The following SKAP1 variants were observed in gnomAD, a reference collection of about 807,000 sequenced individuals.
The protein encoded by SKAP1 is src kinase associated phosphoprotein 1, also known as src kinase-associated phosphoprotein 1.
Under a neutral mutation model 58.5 loss-of-function variants are expected in SKAP1, and 44 were observed. The observed-to-expected ratio is 0.75, with a 90% CI of 0.59 to 0.97. The LOEUF (loss-of-function observed/expected upper bound fraction) is 0.97. SKAP1 is among the 50% of genes least tolerant of loss of function. The pLI is 0.00. For synonymous variants in SKAP1, 127 were observed against 149.7 expected, an observed-to-expected ratio of 0.85 and a Z score of 1.11; for missense variants, 390 against 435.2, an observed-to-expected ratio of 0.90 and a Z score of 0.92.
intron 4 of SKAP1, among the ~76,000 whole-genome samples, chr17:48,212,880 GC>G (rs2143683572): frequency 6.6e-6 from 1 of 152,218 alleles, no homozygotes; most frequent in Admixed American, 6.5e-5. Context: ...GTGACCTGGT[GC>G]TAAGGAGACA....
At chr17:48,171,734 A>AGTGTGTGTGTGTGTGTGT (rs3221423) in intron 9 of SKAP1, among the ~76,000 whole-genome samples, 180 of 149,100 alleles carry the variant, frequency 1.2e-3, no homozygotes, top group African/African-American at 4.1e-3. Context: ...AGGATGTTAG[A>AGTGTGTGTGTGTGTGTGT]GTGTGTGTGT....
chr17:48,383,292 A>C (rs183432468), intron 2 of SKAP1, among the ~76,000 whole-genome samples: 6 of 152,318 alleles, frequency 3.9e-5, no homozygotes, highest in Admixed American at 2.0e-4. Context: ...GTTTTACTAA[A>C]TAGTCACACA....
intron 4 of SKAP1, among the ~76,000 whole-genome samples, chr17:48,337,518 C>A (rs577798003): frequency 1.6e-4 from 24 of 152,136 alleles, no homozygotes; most frequent in Non-Finnish European, 3.2e-4. Context: ...TAAGGACATT[C>A]AATATTGGTA....
intron 4 of SKAP1, among the ~76,000 whole-genome samples, chr17:48,277,136 T>A (rs928261222): frequency 6.6e-6 from 1 of 152,244 alleles, no homozygotes; most frequent in African/African-American, 2.4e-5. Context: ...TGATCTCATT[T>A]ACTTAATACA....
chr17:48,394,924 T>C (rs1047143180), intron 2 of SKAP1, among the ~76,000 whole-genome samples: 1 of 152,208 alleles, frequency 6.6e-6, no homozygotes, highest in Non-Finnish European at 1.5e-5. Context: ...CCTCATTTCC[T>C]CAGTGATCTG....
chr17:48,308,355 A>T (rs2066177095), intron 4 of SKAP1: 1 of 152,214 alleles, frequency 6.6e-6, no homozygotes, highest in Non-Finnish European at 1.5e-5. Context: ...TCAAATTTTA[A>T]GAAAAGTATA....
At position 48,325,637 on chromosome 17, in the gene SKAP1, T is replaced by C. The variant is rs896426626; in HGVS notation, c.280+20268A>G. Among the ~76,000 whole-genome samples, 3 of 152,188 alleles carry C rather than the reference T, an allele frequency of 2.0e-5. No individual in the cohort carries two copies. The East Asian group carries it at 5.8e-4, about 29-fold the overall frequency. ...ATGGATTTCAATTTCTTTTAAAAAA[T>C]TTTAGATTTTCAAGATTTATTTAAT... is the stretch of plus-strand genomic sequence containing the variant. On this transcript the variant is annotated intron_variant, in intron 4 of 12. Coordinates refer to ENST00000336915, the MANE Select transcript of SKAP1 (RefSeq NM_003726.4).
At chr17:48,287,988 GT>G (rs1488042364) in intron 4 of SKAP1, among the ~76,000 whole-genome samples, 2 of 152,150 alleles carry the variant, frequency 1.3e-5, no homozygotes, top group East Asian at 3.8e-4. Context: ...ATAAACTTGT[GT>G]TTTTTAAAAA....
chr17:48,207,748 T>A (rs990801264), intron 4 of SKAP1, among the ~76,000 whole-genome samples: 1 of 152,158 alleles, frequency 6.6e-6, no homozygotes, highest in Admixed American at 6.5e-5. Flanking sequence ...ATTATGAAAT[T>A]TGGGGTCAGA....
intron 4 of SKAP1, chr17:48,204,035 C>T (rs1390241078): frequency 6.6e-6 from 1 of 152,062 alleles, no homozygotes; most frequent in Non-Finnish European, 1.5e-5. Flanking sequence ...CTGAAACAGG[C>T]TCACACAGTT....
intron 2 of SKAP1, among the ~76,000 whole-genome samples, chr17:48,386,829 T>C (rs1235266733): frequency 6.6e-6 from 1 of 152,218 alleles, no homozygotes; most frequent in African/African-American, 2.4e-5. Context: ...GTCAAACATC[T>C]ATCTCATGTG....
Position 48,182,387 on chromosome 17 carries a change from CA to C in SKAP1, c.631+6del. On this transcript the variant is annotated splice_donor_region_variant and intron_variant, in intron 8 of 12. Transcript: ENST00000336915. ...TCAAGTATTATTTCTGTAACAATGA[CA>C]CTTACCCTTTAACAAGAAACTTATT... is the stretch of plus-strand genomic sequence containing the variant. The C allele has an allele frequency of 6.3e-7, 1 of 1,589,476 alleles. No homozygotes were observed. Among genetic ancestry groups the C allele is most frequent in the Non-Finnish European group, 8.6e-7 (1 of 1,160,236 alleles).
chr17:48,424,560 C>T (rs1013232055), intron 1 of SKAP1, among the ~76,000 whole-genome samples: 2 of 151,780 alleles, frequency 1.3e-5, no homozygotes, highest in Non-Finnish European at 2.9e-5. Flanking sequence ...TTAATCACCT[C>T]CCATCACATT....
intron 3 of SKAP1, among the ~76,000 whole-genome samples, chr17:48,348,195 C>A (rs2144337663): frequency 6.6e-6 from 1 of 151,916 alleles, no homozygotes; most frequent in Non-Finnish European, 1.5e-5. Context: ...GAAAAATTAG[C>A]CAGGCATGGT....
intron 4 of SKAP1, chr17:48,307,954 C>G (rs561440122): frequency 6.6e-6 from 1 of 152,324 alleles, no homozygotes; most frequent in South Asian, 2.1e-4. Flanking sequence ...TTCCTTTCTA[C>G]TTTGAACATA....
At chr17:48,244,653 T>C (rs1239359837) in intron 4 of SKAP1, among the ~76,000 whole-genome samples, 3 of 152,154 alleles carry the variant, frequency 2.0e-5, no homozygotes, top group Admixed American at 1.3e-4. Context: ...CTGCTGATGA[T>C]ACACAGTTAT....
chr17:48,227,037 G>T (rs1598445129), intron 4 of SKAP1, among the ~76,000 whole-genome samples: 1 of 151,988 alleles, frequency 6.6e-6, no homozygotes, highest in South Asian at 2.1e-4. Flanking sequence ...CTCTAGTTTT[G>T]GTTATTGAGC....
At chr17:48,270,849 GTTGTTTCCAAAT>G (rs1477117978) in intron 4 of SKAP1, among the ~76,000 whole-genome samples, 5 of 151,208 alleles carry the variant, frequency 3.3e-5, no homozygotes, top group Non-Finnish European at 7.4e-5. Flanking sequence ...GGATACATAG[GTTGTTTCCAAAT>G]TTGCACTATA....
chr17:48,213,415 A>G (rs2064899462), intron 4 of SKAP1, among the ~76,000 whole-genome samples: 1 of 150,704 alleles, frequency 6.6e-6, no homozygotes, highest in Non-Finnish European at 1.5e-5. Context: ...TACAGAGTTG[A>G]TGGGCCAGAA....
Sources: gnomAD v4.1 joint callset for allele counts (sites outside exome capture counted in the v4.1 genomes callset) on GRCh38, gnomAD v4.1.1 for gene constraint, MANE v1.5 for transcripts, NCBI Gene and HGNC (gene_info 2026-07-23, HGNC 2026-07-21) for gene names.